Variants in WDR41 observed in about 807,000 individuals in gnomAD.
WDR41 encodes the protein WD repeat domain 41.
In WDR41, 63 loss-of-function variants were observed where a neutral mutation model predicts 69.3. That is an observed-to-expected ratio of 0.91 (90% CI 0.74 to 1.12). WDR41 has a LOEUF of 1.12. WDR41 is among the 50% of genes most tolerant of loss of function. The pLI is 0.00. For missense variants in WDR41, 543 were observed against 534.5 expected (o/e 1.02, Z -0.16); for synonymous variants, 185 against 192.1 (o/e 0.96, Z 0.31).
At chr5:77,518,189 G>T (rs57175496) in intron 1 of WDR41, among the ~76,000 whole-genome samples, 4,092 of 151,556 alleles carry the variant, frequency 0.027, 155 homozygotes, top group African/African-American at 0.086. Flanking sequence ...GATTTTTTTT[G>T]TTGTTGTTTA....
At chr5:77,559,025 A>T (rs1743466758) in intron 1 of WDR41, among the ~76,000 whole-genome samples, 1 of 152,238 alleles carries the variant, frequency 6.6e-6, no homozygotes, top group African/African-American at 2.4e-5. Flanking sequence ...GGGTCTATGA[A>T]AGCTGTTATT....
At chr5:77,449,707 G>C in intron 8 of WDR41, 53 bp downstream of exon 8, 1 of 1,209,636 alleles carries the variant, frequency 8.3e-7, no homozygotes, top group Non-Finnish European at 1.2e-6. Context: ...TTCAGAGCAG[G>C]TTGTGTTAAC....
In WDR41 at chr5:77,464,753, A is replaced by G; in HGVS notation, c.216+8T>C. The G allele has an allele frequency of 6.2e-7, 1 of 1,613,730 alleles. No individual in the cohort carries two copies. The highest frequency in any genetic ancestry group is 1.1e-5 in the South Asian group (1 of 91,064). ...TTATCACACAATCCACACATAATCAATACACACCTGGGCATTCCACACAAC... is the reference window on the plus strand; with the variant it reads ...TTATCACACAATCCACACATAATCAGTACACACCTGGGCATTCCACACAAC... On this transcript the variant is annotated splice_region_variant and intron_variant, in intron 3 of 12. Coordinates refer to ENST00000296679, the MANE Select transcript of WDR41 (RefSeq NM_018268.4).
intron 1 of WDR41, among the ~76,000 whole-genome samples, chr5:77,505,002 A>G (rs1388180043): frequency 3.3e-5 from 5 of 152,198 alleles, no homozygotes. Flanking sequence ...CCTATTCAAC[A>G]TAGTGTTGGA....
At chr5:77,526,251 A>G (rs1284558198) in intron 1 of WDR41, among the ~76,000 whole-genome samples, 1 of 151,582 alleles carries the variant, frequency 6.6e-6, no homozygotes, top group East Asian at 1.9e-4. Flanking sequence ...CAAATTTCTG[A>G]CATTATGTCT....
intron 8 of WDR41, among the ~76,000 whole-genome samples, chr5:77,444,096 T>C (rs1411267624): frequency 6.6e-6 from 1 of 151,958 alleles, no homozygotes; most frequent in African/African-American, 2.4e-5. Context: ...GCCAGGCTGG[T>C]CTCAAACTCC....
chr5:77,608,335 A>C (rs554779414), intron 1 of WDR41, among the ~76,000 whole-genome samples: 2 of 152,324 alleles, frequency 1.3e-5, no homozygotes, highest in East Asian at 3.9e-4. Context: ...TTACCACTTC[A>C]ACATTAGATC....
At chr5:77,544,535 A>C (rs1375904840) in intron 1 of WDR41, among the ~76,000 whole-genome samples, 3 of 152,242 alleles carry the variant, frequency 2.0e-5, no homozygotes, top group African/African-American at 7.2e-5. Flanking sequence ...TATCAGACAC[A>C]ACAAACTTTA....
chr5:77,579,952 A>C (rs1352834083), intron 1 of WDR41, among the ~76,000 whole-genome samples: 1 of 152,218 alleles, frequency 6.6e-6, no homozygotes, highest in Non-Finnish European at 1.5e-5. Flanking sequence ...TAAGGAAATG[A>C]CCACAAATTG....
chr5:77,545,588 A>AC, intron 1 of WDR41: 1 of 317,254 alleles, frequency 3.2e-6, no homozygotes, highest in East Asian at 6.5e-5. Flanking sequence ...CTGGTCAAGG[A>AC]CATGAAGATG....
intron 1 of WDR41, among the ~76,000 whole-genome samples, chr5:77,526,224 C>T (rs2112199399): frequency 6.6e-6 from 1 of 152,018 alleles, no homozygotes; most frequent in South Asian, 2.1e-4. Flanking sequence ...TTCTTTGTTA[C>T]TGCAAATATT....
chr5:77,444,303 C>T (rs902533346), intron 8 of WDR41, among the ~76,000 whole-genome samples: 1 of 152,174 alleles, frequency 6.6e-6, no homozygotes, highest in Non-Finnish European at 1.5e-5. Flanking sequence ...CATCCTGTGT[C>T]AAAAGCCACT....
chr5:77,489,406 C>T, intron 2 of WDR41, 51 bp downstream of exon 2: 2 of 1,162,904 alleles, frequency 1.7e-6, no homozygotes, highest in Non-Finnish European at 1.2e-6. Context: ...CATAAAATTC[C>T]CTAAAACCTC....
At chr5:77,451,391 C>T (rs1799622760) in intron 6 of WDR41, 38 bp from the exon 7 acceptor site, 1 of 1,586,692 alleles carries the variant, frequency 6.3e-7, no homozygotes, top group African/African-American at 1.3e-5. Context: ...AATTATTTTT[C>T]TCACAGATTA....
At chr5:77,543,494 T>C (rs966157102) in intron 1 of WDR41, among the ~76,000 whole-genome samples, 2 of 152,050 alleles carry the variant, frequency 1.3e-5, no homozygotes, top group African/African-American at 2.4e-5. Context: ...GACACACTTA[T>C]AGAAATGCAA....
chr5:77,494,025 A>G (rs906039830), upstream of WDR41, among the ~76,000 whole-genome samples: 4 of 151,966 alleles, frequency 2.6e-5, no homozygotes, highest in African/African-American at 7.3e-5. Context: ...TGTGGCATCA[A>G]TAGAAAGGGT....
chr5:77,610,392 G>C (rs911729761), intron 1 of WDR41, among the ~76,000 whole-genome samples: 1 of 152,166 alleles, frequency 6.6e-6, no homozygotes, highest in African/African-American at 2.4e-5. Flanking sequence ...AAAATGTTAA[G>C]GGCAGCCAGA....
At chr5:77,462,451 G>A (rs1800115182) in intron 4 of WDR41, among the ~76,000 whole-genome samples, 1 of 148,548 alleles carries the variant, frequency 6.7e-6, no homozygotes, top group Admixed American at 6.7e-5. Context: ...CTATGTCAAA[G>A]GGCTAATTTT....
intron 1 of WDR41, among the ~76,000 whole-genome samples, chr5:77,557,541 T>A (rs2112251620): frequency 6.6e-6 from 1 of 152,240 alleles, no homozygotes; most frequent in African/African-American, 2.4e-5. Context: ...CTTGCAAAAA[T>A]TAAAAATTCT....
Sources: gnomAD v4.1 joint callset for allele counts (sites outside exome capture counted in the v4.1 genomes callset) on GRCh38, gnomAD v4.1.1 for gene constraint, MANE v1.5 for transcripts, NCBI Gene and HGNC (gene_info 2026-07-23, HGNC 2026-07-21) for gene names.